The following TYRO3 variants were observed in gnomAD, a reference collection of about 807,000 sequenced individuals.
TYRO3 encodes the protein TYRO3 protein tyrosine kinase, also known as tyrosine-protein kinase receptor TYRO3.
In TYRO3, 38 loss-of-function variants were observed where a neutral mutation model predicts 95.2. That is an observed-to-expected ratio of 0.40 (90% confidence interval 0.31 to 0.52). TYRO3 has a LOEUF of 0.52. Ranked by LOEUF, TYRO3 falls within the 20% of genes least tolerant of loss-of-function variation. The probability of loss-of-function intolerance (pLI) is 0.56; values close to 1 mark genes in which losing one functional copy is unlikely to be tolerated. For missense variants in TYRO3, 812 were observed against 1,116.4 expected (o/e 0.73, Z 3.89); for synonymous variants, 367 against 432.9 (o/e 0.85, Z 1.89).
intron 18 of TYRO3, 171 bp from the exon 19 acceptor site, chr15:41,577,715 G>T: frequency 1.6e-6 from 1 of 627,444 alleles, no homozygotes; most frequent in Non-Finnish European, 2.7e-6. Context: ...TCGAACTCCT[G>T]GGCTCAAATA....
intron 4 of TYRO3, among the ~76,000 whole-genome samples, 168 bp downstream of exon 4, chr15:41,562,886 A>G (rs955961794): frequency 2.6e-5 from 4 of 152,300 alleles, no homozygotes; most frequent in Admixed American, 2.6e-4. Flanking sequence ...CAGGTGTGCT[A>G]GGCTGGCTGG....
At position 41,576,645 on chromosome 15, in the gene TYRO3, C is replaced by CTTT. The variant is rs971951671; in HGVS notation, c.2283-1219_2283-1217dup. ...CACCTGGCCTGATTCAGTAGGTTTC[C>CTTT]TTTTTTTTTTTTTTTTTTTTTTTTA... is the stretch of plus-strand genomic sequence containing the variant. On this transcript the variant is annotated intron_variant, in intron 18 of 18. Coordinates refer to ENST00000263798, the MANE Select transcript of TYRO3 (RefSeq NM_006293.4). Among the ~76,000 whole-genome samples, 216 of 101,058 alleles carry CTTT rather than the reference C, an allele frequency of 2.1e-3. 1 individual carries two copies. The highest frequency in any genetic ancestry group is 3.2e-3 in the Non-Finnish European group (173 of 53,950). 66.3% of individuals were successfully genotyped at this position (101,058 alleles called of 152,430 possible). A position where few individuals can be genotyped will look rare whatever the true frequency, so the allele number is the denominator to read the frequency against.
chr15:41,570,432 T>TTACCTC (rs1458842931), intron 11 of TYRO3, 92 bp downstream of exon 11: 1 of 1,312,384 alleles, frequency 7.6e-7, no homozygotes, highest in Non-Finnish European at 1.1e-6. Context: ...CTGATATGTC[T>TTACCTC]GAACATCAGT....
Position 41,564,246 on chromosome 15 carries a change from C to CG in TYRO3, c.644dup (p.Thr216HisfsTer27), listed in dbSNP as rs1160265236. On this transcript the variant is annotated frameshift_variant, in exon 5 of 19. Coordinates refer to ENST00000263798, the MANE Select transcript of TYRO3 (RefSeq NM_006293.4). LOFTEE classifies it high-confidence loss of function. ...CAACCTAAAAGGCCTGGCCTCTTCTCGCACAGCCACTGTTCACCTTCAAGG... is the reference window on the plus strand; with the variant it reads ...CAACCTAAAAGGCCTGGCCTCTTCTCGGCACAGCCACTGTTCACCTTCAAGG... 1.2e-6 allele frequency: 2 copies of CG among 1,613,986 alleles called. No individual in the cohort carries two copies. Among genetic ancestry groups the CG allele is most frequent in the Non-Finnish European group, 1.7e-6 (2 of 1,179,998 alleles).
chr15:41,575,895 G>A (rs1003886031), intron 18 of TYRO3, among the ~76,000 whole-genome samples: 5 of 151,900 alleles, frequency 3.3e-5, no homozygotes, highest in South Asian at 2.1e-4. Flanking sequence ...TCCTGAGGTC[G>A]GGAGTTCCAG....
At chr15:41,575,178 G>A (rs1260446507) in intron 18 of TYRO3, among the ~76,000 whole-genome samples, 1 of 152,238 alleles carries the variant, frequency 6.6e-6, no homozygotes, top group Non-Finnish European at 1.5e-5. Context: ...CTTGGACAGT[G>A]GGTTTGAAGT....
Position 41,564,283 on chromosome 15 carries a change from G to A in TYRO3, c.667+13G>A, listed in dbSNP as rs1383063779. ...GTTCACCTTCAAGGTAGGAGGGCTG[G>A]CAGGGAGGAAGGGTGGATGAGGCCA... On this transcript the variant is annotated intron_variant, in intron 5 of 18. Transcript: ENST00000263798. 7.0e-7 allele frequency: 1 copy of A among 1,435,708 alleles called. No individual in the cohort carries two copies. Among genetic ancestry groups the A allele is most frequent in the Non-Finnish European group, 9.8e-7 (1 of 1,020,712 alleles). The allele number at this position is 1,435,708 out of a possible 1,614,324, so 88.9% of individuals were successfully genotyped here.
intron 1 of TYRO3, among the ~76,000 whole-genome samples, chr15:41,560,728 G>A (rs990633923): frequency 6.6e-6 from 1 of 152,202 alleles, no homozygotes; most frequent in African/African-American, 2.4e-5. Flanking sequence ...AGAGGGTGCT[G>A]GCAGCAATTC....
chr15:41,570,538 T>C, intron 11 of TYRO3, 66 bp from the exon 12 acceptor site: 3 of 1,404,192 alleles, frequency 2.1e-6, no homozygotes, highest in Non-Finnish European at 2.9e-6. Flanking sequence ...GAGTCTGGGG[T>C]ATAAGAGGCT....
chr15:41,568,512 G>A (rs2055753824), intron 8 of TYRO3, 150 bp downstream of exon 8: 1 of 771,928 alleles, frequency 1.3e-6, no homozygotes, highest in Non-Finnish European at 2.0e-6. Flanking sequence ...TCCTCTGCAA[G>A]CTCCACTTCT....
chr15:41,581,912 AAAAG>A lies in TYRO3; in HGVS notation c.*3638_*3641del, dbSNP rs761967718. 8 of 150,990 alleles carry A rather than the reference AAAAG, an allele frequency of 5.3e-5. No individual in the cohort carries two copies. The highest frequency in any genetic ancestry group is 9.7e-5 in the African/African-American group (4 of 41,050). 9.4% of individuals were successfully genotyped at this position (150,990 alleles called of 1,614,324 possible). A position where few individuals can be genotyped will look rare whatever the true frequency, so the allele number is the denominator to read the frequency against. On this transcript the variant is annotated 3_prime_UTR_variant, in exon 19 of 19. Coordinates refer to ENST00000263798, the MANE Select transcript of TYRO3 (RefSeq NM_006293.4). ...TTTGGGATTTTCTGTCTCAAAAAAA[AAAAG>A]AGAGAGACTCTGGATCAAAAAGGAT...
intron 14 of TYRO3, among the ~76,000 whole-genome samples, chr15:41,572,101 T>G (rs2055804011): frequency 6.6e-6 from 1 of 151,072 alleles, no homozygotes; most frequent in Admixed American, 6.6e-5. Flanking sequence ...GAGGCTGAGG[T>G]GGGAGGATCA....
intron 8 of TYRO3, 144 bp downstream of exon 8, chr15:41,568,506 C>G: frequency 6.4e-6 from 5 of 780,688 alleles, no homozygotes; most frequent in Non-Finnish European, 1.0e-5. Context: ...TCACCCTCCT[C>G]TGCAAGCTCC....
At chr15:41,575,745 T>A (rs752222800) in intron 18 of TYRO3, among the ~76,000 whole-genome samples, 1 of 152,192 alleles carries the variant, frequency 6.6e-6, no homozygotes, top group African/African-American at 2.4e-5. Context: ...TTTTTCCACC[T>A]GAGCCTGAGG....
At chr15:41,565,800 C>T (rs1566899869) in intron 6 of TYRO3, among the ~76,000 whole-genome samples, 1 of 152,034 alleles carries the variant, frequency 6.6e-6, no homozygotes, top group Non-Finnish European at 1.5e-5. Flanking sequence ...CCTTACCCCC[C>T]AACCCCCACT....
At chr15:41,577,735 T>G (rs1394493661) in intron 18 of TYRO3, 151 bp from the exon 19 acceptor site, 2 of 744,804 alleles carry the variant, frequency 2.7e-6, no homozygotes, top group East Asian at 5.4e-5. Flanking sequence ...AATACCCCCC[T>G]TCGGCCTCCC....
At position 41,573,296 on chromosome 15, in the gene TYRO3, T is replaced by C. The variant is rs748196136; in HGVS notation, c.1986-12T>C. ...GCAGAAGGCTGACTCTCTCCCTCAA[T>C]GCCCCTTGTAGGCTGGCAGAGGACA... On this transcript the variant is annotated splice_polypyrimidine_tract_variant and intron_variant, in intron 16 of 18. Coordinates refer to ENST00000263798, the MANE Select transcript of TYRO3 (RefSeq NM_006293.4). The C allele has an allele frequency of 6.2e-7, 1 of 1,613,772 alleles. No individual in the cohort carries two copies. The highest frequency in any genetic ancestry group is 1.1e-5 in the South Asian group (1 of 90,952).
rs756090697 is a variant in TYRO3 at position 41,560,424 on chromosome 15, TGTGTGCGC to T, written c.125-701_125-694del. On this transcript the variant is annotated intron_variant, in intron 1 of 18. Transcript: ENST00000263798. ...GTGTGTGTGTGTGTGTGTGTGTGTG[TGTGTGCGC>T]GCGCGCGCGCGCGCTCGCACGCAAG... 3.8e-3 allele frequency among the ~76,000 whole-genome samples: 540 copies of T among 140,928 alleles called. 1 individual carries two copies. The highest frequency in any genetic ancestry group is 6.8e-3 in the Admixed American group (99 of 14,566). The allele number at this position is 140,928 out of a possible 152,430, so 92.5% of individuals were successfully genotyped here. A position where few individuals can be genotyped will look rare whatever the true frequency, so the allele number is the denominator to read the frequency against.
chr15:41,570,255 T>C lies in TYRO3; in HGVS notation c.1398T>C (p.Ser466=). ...KETRFGQAFD[S]VMARGEPAVH... ...TTTCCTTTAGGCAAGCCTTTGACAG[T>C]GTCATGGCCCGGGGAGAGCCAGCCG... The change falls in exon 11 of 19, where the codon AGT becomes AGC. Residue 466 remains serine, a synonymous_variant. Coordinates refer to ENST00000263798, the MANE Select transcript of TYRO3 (RefSeq NM_006293.4). 6.2e-7 allele frequency: 1 copy of C among 1,613,664 alleles called. No homozygotes were observed. Among genetic ancestry groups the C allele is most frequent in the Non-Finnish European group, 8.5e-7 (1 of 1,179,806 alleles).
Sources: allele counts gnomAD v4.1 joint callset (sites outside exome capture counted in the v4.1 genomes callset), GRCh38; gene constraint gnomAD v4.1.1; transcripts MANE v1.5; gene names NCBI Gene and HGNC (gene_info 2026-07-23, HGNC 2026-07-21).